HDAC9: variants seen among roughly 807,000 people sequenced by gnomAD.
The protein encoded by HDAC9 is MEF-2 interacting transcription repressor (MITR) protein.
Under a neutral mutation model 139.4 loss-of-function variants are expected in HDAC9, and 41 were observed. The observed-to-expected ratio is 0.29, with a 90% confidence interval of 0.23 to 0.38. The LOEUF is 0.38. Among genes scored for constraint, HDAC9 ranks in the 10% least tolerant of loss-of-function variants. HDAC9 has a pLI of 1.00. For missense variants in HDAC9, 1,147 were observed against 1,297.0 expected (o/e 0.88, Z 1.78); for synonymous variants, 517 against 476.2 (o/e 1.09, Z -1.12).
chr7:18,634,423 T>C (rs1389729208), intron 7 of HDAC9, among the ~76,000 whole-genome samples: 2 of 152,024 alleles, frequency 1.3e-5, no homozygotes, highest in Non-Finnish European at 2.9e-5. Flanking sequence ...CTATTTAGTA[T>C]GTTTTGCCAT....
At chr7:18,606,091 A>T (rs1352533262) in intron 6 of HDAC9, among the ~76,000 whole-genome samples, 1 of 152,094 alleles carries the variant, frequency 6.6e-6, no homozygotes, top group Non-Finnish European at 1.5e-5. Context: ...TACTGACTCC[A>T]TTGGCTTCTG....
intron 2 of HDAC9, among the ~76,000 whole-genome samples, chr7:18,248,889 A>G (rs767576433): frequency 4.6e-5 from 7 of 152,254 alleles, no homozygotes; most frequent in Non-Finnish European, 1.0e-4. Context: ...TTCAAAAAAT[A>G]TATAAAGACA....
At chr7:18,874,420 C>T (rs967693816) in intron 21 of HDAC9, 58 bp from the exon 22 acceptor site, 53 of 1,090,394 alleles carry the variant, frequency 4.9e-5, no homozygotes, top group African/African-American at 2.8e-4. Flanking sequence ...TTTCACTGAA[C>T]GATTTTTAAA....
chr7:18,766,046 ATTTAGACTTTTACTGACGTG>A, intron 15 of HDAC9, among the ~76,000 whole-genome samples: 1 of 152,194 alleles, frequency 6.6e-6, no homozygotes, highest in East Asian at 1.9e-4. Context: ...AATAAAAGCT[ATTTAGACTTTTACTGACGTG>A]GTGTATGAAT....
chr7:18,771,744 G>A (rs1332239491), intron 16 of HDAC9, among the ~76,000 whole-genome samples: 1 of 151,994 alleles, frequency 6.6e-6, no homozygotes, highest in African/African-American at 2.4e-5. Flanking sequence ...GAGCTGCTCT[G>A]GTGTTTCCCT....
intron 2 of HDAC9, among the ~76,000 whole-genome samples, chr7:18,584,074 A>G (rs1367677753): frequency 6.6e-6 from 1 of 151,974 alleles, no homozygotes; most frequent in African/African-American, 2.4e-5. Flanking sequence ...CAATAAATAA[A>G]TGGTACACCT....
chr7:18,655,469 G>A (rs114737628), intron 11 of HDAC9, among the ~76,000 whole-genome samples: 1 of 152,002 alleles, frequency 6.6e-6, no homozygotes, highest in Non-Finnish European at 1.5e-5. Context: ...TTTTAAATAC[G>A]TAGTACTAGG....
At chr7:18,732,870 C>T (rs1178141) in intron 13 of HDAC9, among the ~76,000 whole-genome samples, 3,722 of 62,844 alleles carry the variant, frequency 0.059, 643 homozygotes, top group Non-Finnish European at 0.073. Flanking sequence ...CGTATGTGTA[C>T]ACACACACGT....
chr7:18,458,426 A>G (rs1236917288), intron 1 of HDAC9, among the ~76,000 whole-genome samples: 1 of 152,204 alleles, frequency 6.6e-6, no homozygotes, highest in Non-Finnish European at 1.5e-5. Flanking sequence ...ACCAATAAAT[A>G]TAGAATTCAG....
intron 1 of HDAC9, among the ~76,000 whole-genome samples, chr7:18,365,364 T>A (rs1031796743): frequency 1.3e-5 from 2 of 152,110 alleles, no homozygotes; most frequent in African/African-American, 4.8e-5. Flanking sequence ...AAGAGCTATG[T>A]ATGTCATGAG....
intron 1 of HDAC9, among the ~76,000 whole-genome samples, chr7:18,358,600 A>C (rs764142796): frequency 6.6e-6 from 1 of 152,208 alleles, no homozygotes; most frequent in Non-Finnish European, 1.5e-5. Context: ...AGATGAGAAC[A>C]TGAAGAACTT....
At chr7:18,983,434 G>A (rs981520058) in intron 25 of HDAC9, among the ~76,000 whole-genome samples, 3 of 152,044 alleles carry the variant, frequency 2.0e-5, no homozygotes, top group African/African-American at 4.8e-5. Context: ...AACTCTTTAA[G>A]TTCCTATTTT....
At chr7:18,118,217 T>A (rs1304399677) in intron 1 of HDAC9, among the ~76,000 whole-genome samples, 1 of 152,252 alleles carries the variant, frequency 6.6e-6, no homozygotes, top group Non-Finnish European at 1.5e-5. Context: ...CACATTTCTC[T>A]ATGACATCTT....
At chr7:18,287,158 A>G (rs961541123), upstream of HDAC9, among the ~76,000 whole-genome samples, 1 of 152,114 alleles carries the variant, frequency 6.6e-6, no homozygotes, top group Non-Finnish European at 1.5e-5. Flanking sequence ...AGCTTTTTAT[A>G]ACTACCATCT....
At chr7:18,728,224 A>G (rs1274384581) in intron 13 of HDAC9, among the ~76,000 whole-genome samples, 1 of 152,136 alleles carries the variant, frequency 6.6e-6, no homozygotes, top group Non-Finnish European at 1.5e-5. Context: ...CTATAGTACC[A>G]AAGCAAACTT....
At position 18,624,415 on chromosome 7, in the gene HDAC9, A is replaced by G. The variant is rs979342438; in HGVS notation, c.665-4935A>G. On this transcript the variant is annotated intron_variant, in intron 6 of 25. Transcript: ENST00000686413. ...ACTTAAATAATGATAGCCAATTTTT[A>G]TACAAAGTTTTCATCTCAGCAGGCA... Among the ~76,000 whole-genome samples the G allele has an allele frequency of 6.6e-5, 10 of 152,308 alleles. No homozygotes were observed. The East Asian group carries it at 1.5e-3, about 23-fold the overall frequency.
intron 1 of HDAC9, among the ~76,000 whole-genome samples, chr7:18,392,919 CAAAAAA>C (rs773532939): frequency 0.039 from 1,723 of 44,624 alleles, 21 homozygotes; most frequent in South Asian, 0.17. Context: ...CCATGACTGG[CAAAAAA>C]AAAAAAAAAA....
At chr7:18,229,711 T>C (rs1457875985) in intron 2 of HDAC9, among the ~76,000 whole-genome samples, 1 of 152,152 alleles carries the variant, frequency 6.6e-6, no homozygotes, top group East Asian at 1.9e-4. Flanking sequence ...CCTCTGAGGA[T>C]ATTTTACTTA....
chr7:18,319,380 TAAAAG>T (rs796711373), intron 1 of HDAC9, among the ~76,000 whole-genome samples: 7 of 152,286 alleles, frequency 4.6e-5, no homozygotes, highest in African/African-American at 1.7e-4. Context: ...TATCTACAAA[TAAAAG>T]CTCATCTAGC....
Sources: allele counts gnomAD v4.1 joint callset (sites outside exome capture counted in the v4.1 genomes callset), GRCh38; gene constraint gnomAD v4.1.1; transcripts MANE v1.5; gene names NCBI Gene and HGNC (gene_info 2026-07-23, HGNC 2026-07-21).